ABTB3: variants seen among roughly 807,000 people sequenced by gnomAD.
ABTB3 encodes the protein ankyrin repeat- and BTB/POZ domain-containing protein 3.
the ABTB3 span, among the ~76,000 whole-genome samples, chr12:107,562,504 G>A: frequency 6.6e-6 from 1 of 152,104 alleles, no homozygotes; most frequent in African/African-American, 2.4e-5. Context: ...GCCAGGACCA[G>A]CAAGGAGGCT....
the ABTB3 span, among the ~76,000 whole-genome samples, chr12:107,324,190 T>C: frequency 6.6e-6 from 1 of 152,202 alleles, no homozygotes; most frequent in African/African-American, 2.4e-5. Flanking sequence ...CTCATCTCTA[T>C]CACATCCAGA....
chr12:107,557,849 C>A, the ABTB3 span, among the ~76,000 whole-genome samples: 2 of 152,216 alleles, frequency 1.3e-5, no homozygotes, highest in African/African-American at 4.8e-5. Flanking sequence ...TCAGGCCCAG[C>A]AGGCTGGCTC....
At chr12:107,613,567 A>G in the ABTB3 span, among the ~76,000 whole-genome samples, 1 of 152,032 alleles carries the variant, frequency 6.6e-6, no homozygotes, top group Non-Finnish European at 1.5e-5. Context: ...TTTCTCTCCC[A>G]ATCTGCAGAA....
At chr12:107,623,840 T>C in the ABTB3 span, among the ~76,000 whole-genome samples, 1 of 152,142 alleles carries the variant, frequency 6.6e-6, no homozygotes, top group Non-Finnish European at 1.5e-5. Context: ...CAGAGCATGA[T>C]CAGTGTTTAC....
At chr12:107,336,509 T>C in the ABTB3 span, among the ~76,000 whole-genome samples, 3 of 151,976 alleles carry the variant, frequency 2.0e-5, no homozygotes, top group African/African-American at 7.3e-5. Context: ...CTCATAGGAG[T>C]GTTTGGGGAT....
At chr12:107,624,744 A>G in the ABTB3 span, among the ~76,000 whole-genome samples, 15 of 152,368 alleles carry the variant, frequency 9.8e-5, no homozygotes, top group African/African-American at 3.4e-4. Flanking sequence ...GTTGAAGGAC[A>G]TCGGAGTTGT....
the ABTB3 span, among the ~76,000 whole-genome samples, chr12:107,584,386 G>A: frequency 6.6e-6 from 1 of 152,200 alleles, no homozygotes; most frequent in East Asian, 1.9e-4. Flanking sequence ...CTTATCCGAG[G>A]TCACACAGCT....
chr12:107,365,855 A>G, the ABTB3 span, among the ~76,000 whole-genome samples: 5 of 152,234 alleles, frequency 3.3e-5, no homozygotes, highest in Non-Finnish European at 7.3e-5. Flanking sequence ...CACTTTATTC[A>G]CAGCTGGGTA....
the ABTB3 span, among the ~76,000 whole-genome samples, chr12:107,490,559 C>T: frequency 6.6e-6 from 1 of 152,116 alleles, no homozygotes; most frequent in African/African-American, 2.4e-5. Context: ...GAAGCTCTCT[C>T]TCATGCCCCT....
the ABTB3 span, among the ~76,000 whole-genome samples, chr12:107,560,822 T>A: frequency 6.6e-6 from 1 of 152,224 alleles, no homozygotes; most frequent in South Asian, 2.1e-4. Flanking sequence ...TGGCCAAGTC[T>A]ACAGATGAGG....
the ABTB3 span, among the ~76,000 whole-genome samples, chr12:107,350,428 C>T: frequency 2.3e-3 from 353 of 151,788 alleles, no homozygotes; most frequent in Non-Finnish European, 3.4e-3. Flanking sequence ...TGGGGGGCGC[C>T]GGTAGTCCCA....
the ABTB3 span, chr12:107,657,656 A>G: frequency 6.2e-7 from 1 of 1,614,230 alleles, no homozygotes; most frequent in Non-Finnish European, 8.5e-7. Flanking sequence ...GGACTTACAG[A>G]GGACGTTGGC....
chr12:107,603,155 GTT>G, the ABTB3 span, among the ~76,000 whole-genome samples: 4 of 152,230 alleles, frequency 2.6e-5, no homozygotes, highest in African/African-American at 4.8e-5. Context: ...GGACATGTTG[GTT>G]TACAGTGGTG....
At chr12:107,578,383 C>CTTTTTTTTTTTTTTTTTTTTTTTT in the ABTB3 span, among the ~76,000 whole-genome samples, 1 of 57,196 alleles carries the variant, frequency 1.7e-5, no homozygotes. Context: ...CTTTCTTCTT[C>CTTTTTTTTTTTTTTTTTTTTTTTT]TTTTTTTTTT....
chr12:107,477,193 C>T, the ABTB3 span, among the ~76,000 whole-genome samples: 1 of 152,182 alleles, frequency 6.6e-6, no homozygotes, highest in Non-Finnish European at 1.5e-5. Context: ...ACCTCTGACC[C>T]TGTGACGGAA....
chr12:107,473,965 G>GT, the ABTB3 span, among the ~76,000 whole-genome samples: 1 of 150,772 alleles, frequency 6.6e-6, no homozygotes, highest in African/African-American at 2.4e-5. Flanking sequence ...TGTATTTGTA[G>GT]TAGAGACAGG....
At chr12:107,650,665 G>A in the ABTB3 span, 3 of 152,198 alleles carry the variant, frequency 2.0e-5, no homozygotes, top group Non-Finnish European at 4.4e-5. Flanking sequence ...GAGTAGCTAG[G>A]ATTACAGGCA....
At chr12:107,370,256 C>T in the ABTB3 span, among the ~76,000 whole-genome samples, 14 of 152,192 alleles carry the variant, frequency 9.2e-5, no homozygotes, top group Non-Finnish European at 1.3e-4. Context: ...TCAGTTCTTT[C>T]GTTCCTTCTG....
At chr12:107,530,530 G>GT in the ABTB3 span, among the ~76,000 whole-genome samples, 1 of 152,046 alleles carries the variant, frequency 6.6e-6, no homozygotes, top group Non-Finnish European at 1.5e-5. Flanking sequence ...ACACTTTGGG[G>GT]TTTTTTTCTC....
Sources: allele counts gnomAD v4.1 joint callset (sites outside exome capture counted in the v4.1 genomes callset), GRCh38; gene constraint gnomAD v4.1.1; transcripts MANE v1.5; gene names NCBI Gene and HGNC (gene_info 2026-07-23, HGNC 2026-07-21).